Variants in NRXN1 observed in about 807,000 individuals in gnomAD.
The protein encoded by NRXN1 is neurexin-1.
A neutral mutation model predicts 150.9 loss-of-function variants in NRXN1; 39 were observed. That is an observed-to-expected ratio of 0.26 (90% CI 0.20 to 0.34). The LOEUF is 0.34. Among genes scored for constraint, NRXN1 ranks in the 10% least tolerant of loss-of-function variants. NRXN1 has a pLI of 1.00. For missense variants in NRXN1, 1,815 were observed against 1,949.9 expected, an observed-to-expected ratio of 0.93 and a Z score of 1.30; for synonymous variants, 924 against 757.0, an observed-to-expected ratio of 1.22 and a Z score of -3.62.
chr2:50,843,342 A>G (rs1673149911), intron 5 of NRXN1, among the ~76,000 whole-genome samples: 2 of 152,220 alleles, frequency 1.3e-5, no homozygotes, highest in South Asian at 4.1e-4. Context: ...AATATTTTTC[A>G]ATATATTAAA....
intron 17 of NRXN1, among the ~76,000 whole-genome samples, chr2:50,324,703 G>A (rs1170660372): frequency 2.0e-5 from 3 of 152,106 alleles, no homozygotes; most frequent in Non-Finnish European, 2.9e-5. Flanking sequence ...CATCGCGCCC[G>A]GCTAAGTGTG....
At chr2:50,190,689 G>A (rs2061388773) in intron 18 of NRXN1, among the ~76,000 whole-genome samples, 1 of 140,800 alleles carries the variant, frequency 7.1e-6, no homozygotes, top group Non-Finnish European at 1.5e-5. Context: ...CTTGGCTCAT[G>A]GCAACCTCCA....
At chr2:50,922,789 T>C (rs1686250441) in intron 3 of NRXN1, 102 bp from the exon 4 acceptor site, 26 of 1,126,450 alleles carry the variant, frequency 2.3e-5, no homozygotes, top group Non-Finnish European at 3.2e-5. Context: ...TCTCTTTTCC[T>C]ATGAGACATG....
intron 15 of NRXN1, among the ~76,000 whole-genome samples, chr2:50,492,132 A>C (rs1267989372): frequency 3.3e-5 from 5 of 152,242 alleles, no homozygotes; most frequent in African/African-American, 1.2e-4. Context: ...TAAAGAAGGC[A>C]GGGCTCAGAA....
chr2:50,215,174 C>A (rs555721577), intron 18 of NRXN1, among the ~76,000 whole-genome samples: 1 of 152,112 alleles, frequency 6.6e-6, no homozygotes, highest in Non-Finnish European at 1.5e-5. Flanking sequence ...CCTTTACATT[C>A]CACCTCCATT....
chr2:50,526,371 G>T (rs2092952211), intron 12 of NRXN1, among the ~76,000 whole-genome samples: 1 of 152,102 alleles, frequency 6.6e-6, no homozygotes, highest in African/African-American at 2.4e-5. Context: ...AGAGATAATG[G>T]TGTTATCGGC....
chr2:50,028,603 A>G (rs1297392418), intron 21 of NRXN1, among the ~76,000 whole-genome samples: 1 of 152,214 alleles, frequency 6.6e-6, no homozygotes, highest in Non-Finnish European at 1.5e-5. Context: ...CTCTCAGCAC[A>G]CCACCTAGGC....
At chr2:50,133,809 G>A (rs1171121995) in intron 18 of NRXN1, among the ~76,000 whole-genome samples, 2 of 152,148 alleles carry the variant, frequency 1.3e-5, no homozygotes, top group African/African-American at 4.8e-5. Context: ...CTAAAGCCAT[G>A]AGGAATTATT....
At chr2:50,505,179 C>T (rs1229428996) in intron 13 of NRXN1, among the ~76,000 whole-genome samples, 1 of 151,976 alleles carries the variant, frequency 6.6e-6, no homozygotes, top group East Asian at 1.9e-4. Context: ...TAGATATTGA[C>T]AAATATAAAG....
At chr2:50,733,286 A>G (rs1415916025) in intron 5 of NRXN1, among the ~76,000 whole-genome samples, 2 of 152,304 alleles carry the variant, frequency 1.3e-5, no homozygotes, top group East Asian at 1.9e-4. Flanking sequence ...TCACTGATGA[A>G]TAGAAACCAA....
intron 5 of NRXN1, chr2:50,918,820 A>G (rs1395303334): frequency 4.0e-6 from 1 of 249,794 alleles, no homozygotes; most frequent in Non-Finnish European, 7.6e-6. Flanking sequence ...TAACAACAAC[A>G]TCATTGACAA....
chr2:50,167,239 G>A (rs1321407242), intron 18 of NRXN1, among the ~76,000 whole-genome samples: 8 of 152,118 alleles, frequency 5.3e-5, no homozygotes, highest in Non-Finnish European at 2.9e-5. Flanking sequence ...ATTATAATAT[G>A]TCATCATTCC....
intron 18 of NRXN1, among the ~76,000 whole-genome samples, chr2:50,218,522 A>T (rs1393130512): frequency 2.0e-5 from 3 of 149,414 alleles, no homozygotes; most frequent in African/African-American, 7.4e-5. Flanking sequence ...CTCAGAATCT[A>T]AACGTCTTTG....
At chr2:50,967,671 G>A (rs1387976494) in intron 2 of NRXN1, among the ~76,000 whole-genome samples, 1 of 151,938 alleles carries the variant, frequency 6.6e-6, no homozygotes, top group African/African-American at 2.4e-5. Flanking sequence ...AGGGCAAAAG[G>A]CTGTAAATGG....
chr2:50,533,656 A>G (rs953161209), intron 10 of NRXN1, among the ~76,000 whole-genome samples: 2 of 152,060 alleles, frequency 1.3e-5, no homozygotes, highest in African/African-American at 4.8e-5. Flanking sequence ...ACTTTTTTAA[A>G]CCTACAAAGA....
intron 17 of NRXN1, among the ~76,000 whole-genome samples, chr2:50,272,788 A>AT (rs1400730807): frequency 2.0e-5 from 3 of 152,108 alleles, no homozygotes; most frequent in Admixed American, 6.6e-5. Context: ...AATTTTCCAG[A>AT]TTTAGAATAA....
At chr2:50,800,742 G>A (rs892923440) in intron 5 of NRXN1, among the ~76,000 whole-genome samples, 28 of 152,024 alleles carry the variant, frequency 1.8e-4, no homozygotes, top group Admixed American at 1.2e-3. Flanking sequence ...TAGAGACGGG[G>A]TTTCACCATG....
chr2:50,245,406 C>G (rs1376392793), intron 17 of NRXN1, among the ~76,000 whole-genome samples: 2 of 151,948 alleles, frequency 1.3e-5, no homozygotes, highest in South Asian at 4.1e-4. Flanking sequence ...CTTATGTCTT[C>G]CCTTCTGAAA....
chr2:50,764,937 A>G (rs1702222234), intron 5 of NRXN1, among the ~76,000 whole-genome samples: 1 of 152,056 alleles, frequency 6.6e-6, no homozygotes, highest in African/African-American at 2.4e-5. Context: ...AGATGTGTTT[A>G]TGGAATTTGC....
Sources: allele counts gnomAD v4.1 joint callset (sites outside exome capture counted in the v4.1 genomes callset), GRCh38; gene constraint gnomAD v4.1.1; transcripts MANE v1.5; gene names NCBI Gene and HGNC (gene_info 2026-07-23, HGNC 2026-07-21).